Variants in KIAA2012 observed in about 807,000 individuals in gnomAD.
The protein encoded by KIAA2012 is uncharacterized protein KIAA2012.
A neutral mutation model predicts 150.6 loss-of-function variants in KIAA2012; 125 were observed. That is an observed-to-expected ratio of 0.83 (90% CI 0.72 to 0.96). KIAA2012 has a LOEUF of 0.96. Among genes scored for constraint, KIAA2012 ranks in the 40% least tolerant of loss-of-function variants. KIAA2012 has a pLI of 0.00. For missense variants in KIAA2012, 1,219 were observed against 1,354.9 expected (o/e 0.90, Z 1.57); for synonymous variants, 462 against 504.7 (o/e 0.92, Z 1.13).
chr2:202,189,229 A>G (rs1413372773), intron 18 of KIAA2012, among the ~76,000 whole-genome samples: 1 of 152,084 alleles, frequency 6.6e-6, no homozygotes, highest in Non-Finnish European at 1.5e-5. Context: ...ATGACTTTCC[A>G]GCTGTGTGTA....
intron 22 of KIAA2012, among the ~76,000 whole-genome samples, chr2:202,198,174 CAAAAAAAAA>C (rs1009971980): frequency 3.0e-5 from 2 of 67,136 alleles, no homozygotes; most frequent in Non-Finnish European, 5.3e-5. Context: ...GGCTCTTTCT[CAAAAAAAAA>C]AAAAAAAAAA....
At chr2:202,135,479 C>G (rs554774518) in intron 12 of KIAA2012, among the ~76,000 whole-genome samples, 92 of 152,266 alleles carry the variant, frequency 6.0e-4, no homozygotes, top group Non-Finnish European at 1.2e-3. Flanking sequence ...TTTACCACCC[C>G]CACTGTTCTG....
intron 2 of KIAA2012, among the ~76,000 whole-genome samples, chr2:202,081,481 A>G (rs144094256): frequency 1.3e-5 from 2 of 152,222 alleles, no homozygotes; most frequent in African/African-American, 4.8e-5. Flanking sequence ...AGCAGCGCAC[A>G]AGAGTTCCAG....
intron 1 of KIAA2012, 84 bp from the exon 2 acceptor site, chr2:202,074,807 A>T (rs1366914395): frequency 7.3e-7 from 1 of 1,375,286 alleles, no homozygotes; most frequent in African/African-American, 1.5e-5. Context: ...AACTAAAAAA[A>T]TGCCGAAGGC....
chr2:202,129,368 C>T (rs1690871491), intron 12 of KIAA2012, among the ~76,000 whole-genome samples: 2 of 151,780 alleles, frequency 1.3e-5, no homozygotes, highest in South Asian at 2.1e-4. Flanking sequence ...TACGGGCACC[C>T]GCCACCGCAC....
chr2:202,113,355 A>C lies in KIAA2012; in HGVS notation c.1671A>C (p.Thr557=). The change falls in exon 11 of 24, where the codon ACA becomes ACC. Residue 557 remains threonine, a synonymous_variant. Coordinates refer to ENST00000498697, the MANE Select transcript of KIAA2012 (RefSeq NM_001277372.4). ...PAAQEDSSDP[T]LGHFLLGPDG... ...TTCAAGAAGATTCCAGCGACCCTAC[A>C]CTGGGACACTTCTTGCTGGGTCCAG... is the stretch of plus-strand genomic sequence containing the variant. 1.3e-6 allele frequency: 2 copies of C among 1,550,554 alleles called. No homozygotes were observed. The highest frequency in any genetic ancestry group is 1.7e-6 in the Non-Finnish European group (2 of 1,146,942).
In KIAA2012 at chr2:202,179,602, C is replaced by A. The variant is rs183707957; in HGVS notation, c.2120-5151C>A. 5 of 664,608 alleles carry A rather than the reference C, an allele frequency of 7.5e-6. No individual in the cohort carries two copies. In the East Asian group the frequency reaches 1.7e-4, roughly 22 times the overall value. 41.2% of individuals were successfully genotyped at this position (664,608 alleles called of 1,614,324 possible). The stretch of plus-strand genomic sequence containing the variant: ...ACAATACTATCTTGTGTACCAAGTG[C>A]CCATTCCCACAGCTCAGCTAGTGCG... On this transcript the variant is annotated intron_variant, in intron 15 of 23. Coordinates refer to ENST00000498697, the MANE Select transcript of KIAA2012 (RefSeq NM_001277372.4).
At chr2:202,181,101 C>G (rs1248533288) in intron 15 of KIAA2012, among the ~76,000 whole-genome samples, 2 of 152,156 alleles carry the variant, frequency 1.3e-5, no homozygotes, top group Non-Finnish European at 2.9e-5. Flanking sequence ...CCCTGAGTAG[C>G]TGGGATGACA....
At chr2:202,183,475 A>AT (rs1158942744) in intron 15 of KIAA2012, among the ~76,000 whole-genome samples, 4 of 95,616 alleles carry the variant, frequency 4.2e-5, no homozygotes, top group Admixed American at 1.5e-4. Flanking sequence ...GGGTTTTTTA[A>AT]ATTTTTTTTT....
chr2:202,179,189 G>T, intron 15 of KIAA2012: 1 of 581,420 alleles, frequency 1.7e-6, no homozygotes, highest in South Asian at 1.5e-5. Flanking sequence ...ACCAGCATCT[G>T]TGTCTATCTG....
At chr2:202,163,403 CAT>C (rs1414688414) in intron 14 of KIAA2012, among the ~76,000 whole-genome samples, 1 of 152,124 alleles carries the variant, frequency 6.6e-6, no homozygotes, top group Non-Finnish European at 1.5e-5. Context: ...CACCTGGCCA[CAT>C]ATGTATTCTT....
chr2:202,196,557 C>T (rs948421917), intron 21 of KIAA2012, among the ~76,000 whole-genome samples: 15 of 152,026 alleles, frequency 9.9e-5, no homozygotes, highest in African/African-American at 3.4e-4. Flanking sequence ...CTTCATACCA[C>T]CACATAAGCA....
chr2:202,201,940 C>T, intron 22 of KIAA2012: 1 of 767,936 alleles, frequency 1.3e-6, no homozygotes, highest in Non-Finnish European at 2.3e-6. Flanking sequence ...CTTTTCCGTC[C>T]TCTTCCTGTT....
chr2:202,095,825 T>C lies in KIAA2012; in HGVS notation c.686-1610T>C, dbSNP rs535523517. ...CAGACTGGGCACAATGGCTCATGAC[T>C]GTAATCCCAACACTTTGGTAGGTTG... On this transcript the variant is annotated intron_variant, in intron 4 of 23. Coordinates refer to ENST00000498697, the MANE Select transcript of KIAA2012 (RefSeq NM_001277372.4). 1.2e-4 allele frequency among the ~76,000 whole-genome samples: 18 copies of C among 152,304 alleles called. No homozygotes were observed. In the South Asian group the frequency reaches 3.3e-3, roughly 28 times the overall value.
intron 2 of KIAA2012, among the ~76,000 whole-genome samples, chr2:202,088,740 G>A (rs1008496724): frequency 6.6e-6 from 1 of 152,208 alleles, no homozygotes; most frequent in African/African-American, 2.4e-5. Context: ...TTGAGAAGTG[G>A]TGGGGCTGAG....
At chr2:202,122,821 G>C (rs1690685608) in intron 11 of KIAA2012, among the ~76,000 whole-genome samples, 1 of 152,044 alleles carries the variant, frequency 6.6e-6, no homozygotes, top group South Asian at 2.1e-4. Context: ...TCTTTATTCT[G>C]TTTTTACTTT....
At chr2:202,171,614 G>T (rs959670458) in intron 15 of KIAA2012, among the ~76,000 whole-genome samples, 1 of 151,912 alleles carries the variant, frequency 6.6e-6, no homozygotes, top group African/African-American at 2.4e-5. Context: ...GGTGGCTTGT[G>T]ATGTCTCTAA....
chr2:202,143,971 T>C (rs1691250386), intron 13 of KIAA2012, among the ~76,000 whole-genome samples: 1 of 152,206 alleles, frequency 6.6e-6, no homozygotes, highest in Non-Finnish European at 1.5e-5. Context: ...AGCCCACTTG[T>C]TTATAGAGCT....
At chr2:202,152,569 T>C (rs1691450450) in intron 13 of KIAA2012, among the ~76,000 whole-genome samples, 1 of 152,222 alleles carries the variant, frequency 6.6e-6, no homozygotes, top group African/African-American at 2.4e-5. Flanking sequence ...CAGTGATTCA[T>C]GCATGATTGT....
Sources: allele counts gnomAD v4.1 joint callset (sites outside exome capture counted in the v4.1 genomes callset), GRCh38; gene constraint gnomAD v4.1.1; transcripts MANE v1.5; gene names NCBI Gene and HGNC (gene_info 2026-07-23, HGNC 2026-07-21).